The following TRAF3 variants were observed in gnomAD, a reference collection of about 807,000 sequenced individuals.
The protein encoded by TRAF3 is TNF receptor associated factor 3.
TRAF3 carries 13 observed loss-of-function variants against 62.3 expected under a neutral mutation model. The ratio of observed to expected loss-of-function variants is 0.21; its 90% CI spans 0.14 to 0.33. The LOEUF (loss-of-function observed/expected upper bound fraction) is 0.33, where lower values mean the gene tolerates loss of function less well. Among genes scored for constraint, TRAF3 ranks in the 10% least tolerant of loss-of-function variants. TRAF3 has a pLI of 1.00. For missense variants in TRAF3, 440 were observed against 741.8 expected (o/e 0.59, Z 4.73); for synonymous variants, 269 against 283.4 (o/e 0.95, Z 0.51).
chr14:102,845,557 C>T (rs1315585217), intron 2 of TRAF3, among the ~76,000 whole-genome samples: 2 of 150,954 alleles, frequency 1.3e-5, no homozygotes, highest in African/African-American at 4.9e-5. Flanking sequence ...CCTCTGTCAC[C>T]CAGGCTGGAG....
At chr14:102,822,522 A>G (rs1266111138) in intron 1 of TRAF3, among the ~76,000 whole-genome samples, 1 of 152,244 alleles carries the variant, frequency 6.6e-6, no homozygotes, top group South Asian at 2.1e-4. Flanking sequence ...GTGCGTATCT[A>G]AAGTAGTTTC....
chr14:102,904,322 T>G (rs1249433010), intron 11 of TRAF3, among the ~76,000 whole-genome samples: 1 of 152,174 alleles, frequency 6.6e-6, no homozygotes, highest in South Asian at 2.1e-4. Context: ...TCAGGACATC[T>G]TCTACACAGT....
chr14:102,811,325 G>C (rs549376344), intron 1 of TRAF3, among the ~76,000 whole-genome samples: 33 of 149,976 alleles, frequency 2.2e-4, no homozygotes, highest in Non-Finnish European at 3.7e-4. Flanking sequence ...TTAAGAGAGA[G>C]TCTTGCTATG....
At chr14:102,778,260 C>A (rs772774044) in intron 1 of TRAF3, among the ~76,000 whole-genome samples, 106 of 151,808 alleles carry the variant, frequency 7.0e-4, no homozygotes, top group Non-Finnish European at 1.1e-3. Context: ...ACTCCCGGGG[C>A]ACCGGGCGGC....
intron 2 of TRAF3, among the ~76,000 whole-genome samples, chr14:102,834,850 A>G (rs1885895730): frequency 6.6e-6 from 1 of 152,186 alleles, no homozygotes; most frequent in Non-Finnish European, 1.5e-5. Flanking sequence ...CAAAGGTTTC[A>G]TGAAGAAAAC....
At chr14:102,845,706 C>G (rs1385929111) in intron 2 of TRAF3, among the ~76,000 whole-genome samples, 1 of 151,542 alleles carries the variant, frequency 6.6e-6, no homozygotes, top group Non-Finnish European at 1.5e-5. Flanking sequence ...TTAGTAGAGA[C>G]AGGGTTTCAC....
rs1890710424 is a variant in TRAF3, at chr14:102,908,651, G to A, written c.*2867G>A. The A allele has an allele frequency of 2.0e-5, 3 of 152,710 alleles. No individual in the cohort carries two copies. The South Asian group carries it at 6.2e-4, about 32-fold the overall frequency. 9.5% of individuals were successfully genotyped at this position (152,710 alleles called of 1,614,324 possible). On this transcript the variant is annotated 3_prime_UTR_variant, in exon 12 of 12. Coordinates refer to ENST00000392745, the MANE Select transcript of TRAF3 (RefSeq NM_145725.3). The stretch of plus-strand genomic sequence containing the variant: ...TGGGGGCGCACACTGTGTGCTTGGG[G>A]GTGCTGCTTGTTTACCACACATGAC...
intron 2 of TRAF3, among the ~76,000 whole-genome samples, chr14:102,840,323 TG>T (rs1202178895): frequency 7.9e-5 from 12 of 152,096 alleles, no homozygotes; most frequent in African/African-American, 2.9e-4. Context: ...TACAGATGGG[TG>T]GGCTCAAGTG....
In TRAF3 at chr14:102,885,746, G is replaced by T. The variant is rs143530495; in HGVS notation, c.571-443G>T. 5.5e-3 allele frequency among the ~76,000 whole-genome samples: 831 copies of T among 152,300 alleles called. 26 individuals carry two copies. The highest frequency in any genetic ancestry group is 0.047 in the Admixed American group (723 of 15,310). On this transcript the variant is annotated intron_variant, in intron 6 of 11. Coordinates refer to ENST00000392745, the MANE Select transcript of TRAF3 (RefSeq NM_145725.3). ...CCAGACTCCAAACTAAGAGGCCAAG[G>T]GAAACCCTCCGTCTCTCAACCAGCA...
chr14:102,838,041 G>A (rs536494660), intron 2 of TRAF3, among the ~76,000 whole-genome samples: 2 of 152,158 alleles, frequency 1.3e-5, no homozygotes, highest in African/African-American at 2.4e-5. Flanking sequence ...AGGTAGTCGC[G>A]GTGTGATAAC....
intron 2 of TRAF3, among the ~76,000 whole-genome samples, chr14:102,836,418 A>G (rs1041651396): frequency 6.6e-6 from 1 of 152,272 alleles, no homozygotes; most frequent in East Asian, 1.9e-4. Flanking sequence ...TTTTTGGAGA[A>G]ACTAAGAAAT....
intron 1 of TRAF3, among the ~76,000 whole-genome samples, chr14:102,804,245 G>A (rs1413765503): frequency 6.6e-6 from 1 of 151,852 alleles, no homozygotes; most frequent in East Asian, 1.9e-4. Context: ...GTGTGTCTAC[G>A]CAGACTCCCT....
At chr14:102,891,243 G>A (rs751256024) in intron 8 of TRAF3, 82 bp from the exon 9 acceptor site, 186 of 1,307,874 alleles carry the variant, frequency 1.4e-4, no homozygotes, top group Non-Finnish European at 1.9e-4. Context: ...GTTTAGTGCT[G>A]CTTTTAGGGT....
intron 1 of TRAF3, among the ~76,000 whole-genome samples, chr14:102,794,868 C>A (rs1265814187): frequency 6.6e-6 from 1 of 152,146 alleles, no homozygotes; most frequent in Non-Finnish European, 1.5e-5. Context: ...AGCAGCCATC[C>A]TTGATCATGT....
At chr14:102,800,480 A>G (rs757184153) in intron 1 of TRAF3, among the ~76,000 whole-genome samples, 26 of 152,148 alleles carry the variant, frequency 1.7e-4, no homozygotes, top group Non-Finnish European at 2.8e-4. Context: ...CTGAACCAGG[A>G]CCGTAGCACA....
intron 2 of TRAF3, among the ~76,000 whole-genome samples, chr14:102,857,003 T>G (rs1200912724): frequency 6.6e-6 from 1 of 152,110 alleles, no homozygotes; most frequent in African/African-American, 2.4e-5. Flanking sequence ...ACACAAAGAG[T>G]ACAACAGCAA....
At chr14:102,893,669 CAT>C (rs1223889912) in intron 9 of TRAF3, among the ~76,000 whole-genome samples, 2 of 152,224 alleles carry the variant, frequency 1.3e-5, no homozygotes, top group Non-Finnish European at 2.9e-5. Flanking sequence ...GTCAATGCCT[CAT>C]GTGTTTAAAC....
intron 2 of TRAF3, among the ~76,000 whole-genome samples, chr14:102,849,307 C>T (rs1226423241): frequency 2.6e-5 from 4 of 152,226 alleles, no homozygotes; most frequent in African/African-American, 9.6e-5. Context: ...CTAGGGGAAG[C>T]CTCCATCTGG....
chr14:102,796,603 G>A (rs1898103353), intron 1 of TRAF3, among the ~76,000 whole-genome samples: 1 of 152,170 alleles, frequency 6.6e-6, no homozygotes, highest in African/African-American at 2.4e-5. Flanking sequence ...CTGCATTGGC[G>A]ATTGTTGTCA....
Sources: gnomAD v4.1 joint callset for allele counts (sites outside exome capture counted in the v4.1 genomes callset) on GRCh38, gnomAD v4.1.1 for gene constraint, MANE v1.5 for transcripts, NCBI Gene and HGNC (gene_info 2026-07-23, HGNC 2026-07-21) for gene names.